Variants in ALKBH8 observed in about 807,000 individuals in gnomAD.
ALKBH8 encodes the protein tRNA (carboxymethyluridine(34)-5-O)-methyltransferase ALKBH8.
ALKBH8 carries 36 observed loss-of-function variants against 59.8 expected under a neutral mutation model. That is an observed-to-expected ratio of 0.60 (90% CI 0.46 to 0.79). The LOEUF (loss-of-function observed/expected upper bound fraction) is 0.79. ALKBH8 is among the 30% of genes least tolerant of loss of function. The pLI is 0.00. For missense variants in ALKBH8, 768 were observed against 801.0 expected (o/e 0.96, Z 0.50); for synonymous variants, 276 against 273.6 (o/e 1.01, Z -0.09).
chr11:107,511,465 T>A (rs1476387891), intron 10 of ALKBH8, among the ~76,000 whole-genome samples: 1 of 152,192 alleles, frequency 6.6e-6, no homozygotes, highest in African/African-American at 2.4e-5. Flanking sequence ...GTATATACTA[T>A]ATTGTGATGT....
chr11:107,564,395 T>C (rs1164255484), intron 1 of ALKBH8, among the ~76,000 whole-genome samples: 2 of 152,220 alleles, frequency 1.3e-5, no homozygotes, highest in Non-Finnish European at 2.9e-5. Flanking sequence ...TGATTACTTT[T>C]GCACAACCTA....
At chr11:107,549,875 T>G in intron 6 of ALKBH8, 52 bp from the exon 7 acceptor site, 1 of 1,263,692 alleles carries the variant, frequency 7.9e-7, no homozygotes, top group Non-Finnish European at 1.1e-6. Context: ...TTTAGTAGAT[T>G]TAAGATGGCT....
At chr11:107,547,716 T>C (rs1864323829) in intron 7 of ALKBH8, among the ~76,000 whole-genome samples, 1 of 152,190 alleles carries the variant, frequency 6.6e-6, no homozygotes, top group Admixed American at 6.5e-5. Context: ...TTTTCAAAAT[T>C]ACAATGATTC....
chr11:107,561,952 T>C lies in ALKBH8; in HGVS notation c.-6-1053A>G, dbSNP rs189013954. On this transcript the variant is annotated intron_variant, in intron 1 of 11. Coordinates refer to ENST00000428149, the MANE Select transcript of ALKBH8 (RefSeq NM_138775.3). ...AAACAATAAGACTATGACACATCTT[T>C]ATATAATTTAATGCTGATGGTACAG... Among the ~76,000 whole-genome samples the C allele has an allele frequency of 7.2e-5, 11 of 152,330 alleles. No individual in the cohort carries two copies. In the East Asian group the frequency reaches 1.9e-3, roughly 27 times the overall value.
intron 6 of ALKBH8, among the ~76,000 whole-genome samples, chr11:107,551,234 A>G (rs1864476777): frequency 6.6e-6 from 1 of 152,198 alleles, no homozygotes. Flanking sequence ...AAACGTTGAA[A>G]GGGAAACAAA....
intron 5 of ALKBH8, 48 bp downstream of exon 5, chr11:107,553,060 T>C (rs1864560643): frequency 1.8e-6 from 2 of 1,134,742 alleles, no homozygotes; most frequent in Admixed American, 2.3e-5. Context: ...TCTACTAATA[T>C]ATTAATATTT....
At chr11:107,512,005 A>C (rs1279789513) in intron 10 of ALKBH8, among the ~76,000 whole-genome samples, 1 of 152,158 alleles carries the variant, frequency 6.6e-6, no homozygotes, top group Non-Finnish European at 1.5e-5. Context: ...AAACAATCCT[A>C]CAGGATTGAT....
intron 7 of ALKBH8, among the ~76,000 whole-genome samples, chr11:107,534,963 TC>T (rs1863752114): frequency 6.6e-6 from 1 of 152,176 alleles, no homozygotes; most frequent in South Asian, 2.1e-4. Flanking sequence ...TGCCTTTGCA[TC>T]CTCATAGCTT....
intron 2 of ALKBH8, 131 bp from the exon 3 acceptor site, chr11:107,557,134 T>G: frequency 1.6e-6 from 1 of 644,046 alleles, no homozygotes; most frequent in East Asian, 3.3e-5. Context: ...GTAGTGGTTG[T>G]TTGGTTTGCT....
At chr11:107,542,115 G>C (rs1864061109) in intron 7 of ALKBH8, among the ~76,000 whole-genome samples, 1 of 151,974 alleles carries the variant, frequency 6.6e-6, no homozygotes, top group African/African-American at 2.4e-5. Context: ...TAGAAAAAAG[G>C]TAAATGAAGA....
At position 107,504,735 on chromosome 11, in the gene ALKBH8, T is replaced by C; in HGVS notation, c.1918A>G (p.Arg640Gly). ...AGAATTCTGACATCACTCACAGTCC[T>C]GCAGGCACCTTCCAGTTCTCCCTCA... The part of the protein sequence containing the change: ...FREGELEGAC[R>G]TVSDVRILQS... The change falls in exon 12 of 12, where the codon AGG becomes GGG. Residue 640 changes from arginine (R) to glycine (G), a missense_variant. Physicochemically the swap from Arg to Gly is moderately radical, Grantham distance 125. Transcript: ENST00000428149. 2 of 1,552,158 alleles carry C rather than the reference T, an allele frequency of 1.3e-6. No homozygotes were observed. Among genetic ancestry groups the C allele is most frequent in the Non-Finnish European group, 1.7e-6 (2 of 1,147,080 alleles).
chr11:107,522,002 G>C (rs1863131773), intron 10 of ALKBH8, among the ~76,000 whole-genome samples: 1 of 151,940 alleles, frequency 6.6e-6, no homozygotes, highest in South Asian at 2.1e-4. Flanking sequence ...GCCAAAAAAT[G>C]ATTTCTATAA....
intron 7 of ALKBH8, among the ~76,000 whole-genome samples, chr11:107,546,890 T>C (rs680830): frequency 0.042 from 6,404 of 152,180 alleles, 458 homozygotes; most frequent in African/African-American, 0.15. Context: ...CCAGTAGTCA[T>C]ACAAATAAAG....
chr11:107,516,759 C>T (rs182830090), intron 10 of ALKBH8, among the ~76,000 whole-genome samples: 2 of 152,334 alleles, frequency 1.3e-5, no homozygotes, highest in Admixed American at 1.3e-4. Flanking sequence ...TGGTTCACAC[C>T]TGTAATCCCA....
chr11:107,530,162 A>T, intron 8 of ALKBH8, among the ~76,000 whole-genome samples: 1 of 152,240 alleles, frequency 6.6e-6, no homozygotes. Flanking sequence ...CTATTGCATC[A>T]GCCAAATAGA....
At chr11:107,520,564 T>C (rs182865690) in intron 10 of ALKBH8, among the ~76,000 whole-genome samples, 2 of 152,336 alleles carry the variant, frequency 1.3e-5, no homozygotes, top group East Asian at 3.9e-4. Context: ...AGAAACATTT[T>C]TGGACGTATC....
chr11:107,531,792 G>GT (rs948458906), intron 8 of ALKBH8, among the ~76,000 whole-genome samples: 4 of 152,176 alleles, frequency 2.6e-5, no homozygotes, highest in African/African-American at 7.2e-5. Flanking sequence ...ATTCTTCATT[G>GT]TTTTTTTGTC....
chr11:107,512,231 C>T (rs568460906), intron 10 of ALKBH8, among the ~76,000 whole-genome samples: 57 of 152,250 alleles, frequency 3.7e-4, no homozygotes, highest in Non-Finnish European at 7.2e-4. Context: ...CACACACACA[C>T]ACACATTTTG....
At chr11:107,556,620 G>C (rs1422814314) in intron 3 of ALKBH8, 146 bp downstream of exon 3, 1 of 485,228 alleles carries the variant, frequency 2.1e-6, no homozygotes, top group Non-Finnish European at 3.4e-6. Flanking sequence ...GCACAAATAG[G>C]TGCTTAAAGA....
Sources: gnomAD v4.1 joint callset for allele counts (sites outside exome capture counted in the v4.1 genomes callset) on GRCh38, gnomAD v4.1.1 for gene constraint, MANE v1.5 for transcripts, NCBI Gene and HGNC (gene_info 2026-07-23, HGNC 2026-07-21) for gene names.